The following AGBL2 variants were observed in gnomAD, a reference collection of about 807,000 sequenced individuals.
The protein encoded by AGBL2 is AGBL carboxypeptidase 2, also known as cytosolic carboxypeptidase 2.
In AGBL2, 87 loss-of-function variants were observed where a neutral mutation model predicts 103.0. The observed-to-expected ratio is 0.84, with a 90% CI of 0.71 to 1.01. AGBL2 has a LOEUF of 1.01. Among genes scored for constraint, AGBL2 ranks in the 50% least tolerant of loss-of-function variants. The pLI, the probability that AGBL2 is intolerant of heterozygous loss-of-function variation, is 0.00. For synonymous variants in AGBL2, 335 were observed against 356.7 expected, an observed-to-expected ratio of 0.94 and a Z score of 0.69; for missense variants, 904 against 1,023.5, an observed-to-expected ratio of 0.88 and a Z score of 1.59.
At chr11:47,666,793 A>G in intron 17 of AGBL2, 163 bp downstream of exon 17, 1 of 676,694 alleles carries the variant, frequency 1.5e-6, no homozygotes, top group Non-Finnish European at 2.7e-6. Context: ...AATCCAAAGC[A>G]GTGTCAATGT....
chr11:47,669,722 C>T (rs2097351698), intron 14 of AGBL2, among the ~76,000 whole-genome samples: 2 of 151,840 alleles, frequency 1.3e-5, no homozygotes, highest in South Asian at 2.1e-4. Context: ...CAGAGTCTCC[C>T]TATGTCAACG....
chr11:47,710,909 CAAAAA>C (rs60310587), intron 3 of AGBL2: 36 of 332,712 alleles, frequency 1.1e-4, no homozygotes, highest in Non-Finnish European at 1.4e-4. Context: ...GATCCTGTCT[CAAAAA>C]AAAAAAAAAA....
chr11:47,661,517 T>C (rs762715775), intron 18 of AGBL2, among the ~76,000 whole-genome samples: 5 of 152,182 alleles, frequency 3.3e-5, no homozygotes, highest in Non-Finnish European at 7.3e-5. Flanking sequence ...GCCTTGCACA[T>C]AGTAGACACT....
intron 1 of AGBL2, 200 bp downstream of exon 1, chr11:47,714,975 A>AT (rs2097545783): frequency 2.9e-6 from 1 of 349,008 alleles, no homozygotes; most frequent in African/African-American, 2.1e-5. Context: ...GAGAAAGGAG[A>AT]TGCTCGCCAC....
At chr11:47,665,696 C>T (rs2097339554) in intron 17 of AGBL2, among the ~76,000 whole-genome samples, 1 of 152,128 alleles carries the variant, frequency 6.6e-6, no homozygotes, top group African/African-American at 2.4e-5. Flanking sequence ...TCCAGTGATC[C>T]TCCTGCCTCG....
chr11:47,714,533 C>T, intron 2 of AGBL2, 85 bp downstream of exon 2: 1 of 1,456,294 alleles, frequency 6.9e-7, no homozygotes, highest in Non-Finnish European at 9.6e-7. Context: ...CATCCCTTCT[C>T]ATCTAGTAGC....
Position 47,714,802 on chromosome 11 carries a change from GC to G in AGBL2, c.-100-53del, listed in dbSNP as rs1043526856. ...AAAAACTGCCAATACCTCCCCGGGC[GC>G]CCCCCAGCTCCCTCTTGACTTCAGA... On this transcript the variant is annotated intron_variant, in intron 1 of 18. Coordinates refer to ENST00000525123, the MANE Select transcript of AGBL2 (RefSeq NM_024783.4). The G allele has an allele frequency of 5.7e-5, 43 of 755,890 alleles. No individual in the cohort carries two copies. In the African/African-American group the frequency reaches 6.2e-4, roughly 11 times the overall value. 46.8% of individuals were successfully genotyped at this position (755,890 alleles called of 1,614,324 possible). A position where few individuals can be genotyped will look rare whatever the true frequency, so the allele number is the denominator to read the frequency against.
rs780601222 is a variant in AGBL2 at position 47,686,018 on chromosome 11, A to C, written c.1663T>G (p.Cys555Gly). Residue 555 changes from cysteine (C) to glycine (G), a missense_variant, in exon 11 of 19, where the codon TGT (cysteine) becomes GGT (glycine). Physicochemically the swap from Cys to Gly is radical, Grantham distance 159 (BLOSUM62 -3). Transcript: ENST00000525123. ...TTACGACTGTGGCCATGGAAATCACAATACAACAGAACCTCTCTTTCTTCA... is the reference window on the plus strand; with the variant it reads ...TTACGACTGTGGCCATGGAAATCACCATACAACAGAACCTCTCTTTCTTCA... ...LLEEREVLLY[C>G]DFHGHSRKNN... The C allele has an allele frequency of 1.9e-6, 3 of 1,614,144 alleles. No individual in the cohort carries two copies. Among genetic ancestry groups the C allele is most frequent in the Non-Finnish European group, 2.5e-6 (3 of 1,180,026 alleles).
At chr11:47,660,461 C>A (rs1053265484) in intron 18 of AGBL2, 115 bp from the exon 19 acceptor site, 2 of 915,238 alleles carry the variant, frequency 2.2e-6, no homozygotes, top group Admixed American at 5.5e-5. Context: ...TGCATTTCTT[C>A]CCCAAATATA....
At chr11:47,672,000 G>A (rs1423805492) in intron 14 of AGBL2, among the ~76,000 whole-genome samples, 2 of 152,172 alleles carry the variant, frequency 1.3e-5, no homozygotes, top group African/African-American at 4.8e-5. Flanking sequence ...GCAGAGGCTG[G>A]CAAATTGGGT....
In AGBL2 at chr11:47,692,603, G is replaced by A. The variant is rs145032580; in HGVS notation, c.695-347C>T. 2.0e-3 allele frequency among the ~76,000 whole-genome samples: 302 copies of A among 151,086 alleles called. 5 individuals are homozygous for A. In the East Asian group the frequency reaches 0.042, roughly 21 times the overall value. On this transcript the variant is annotated intron_variant, in intron 8 of 18. Transcript: ENST00000525123. ...ATTTTTTTGTATATTTAGTAGAGAC[G>A]GAGTTTCACCGTGTTAGCCAGGATG...
intron 14 of AGBL2, among the ~76,000 whole-genome samples, chr11:47,675,203 T>A (rs2097370463): frequency 3.5e-5 from 2 of 56,598 alleles, no homozygotes; most frequent in Non-Finnish European, 1.0e-4. Flanking sequence ...ACCAGTCTTT[T>A]TTTTTTTTTT....
chr11:47,706,880 C>A, intron 4 of AGBL2, among the ~76,000 whole-genome samples: 1 of 107,464 alleles, frequency 9.3e-6, no homozygotes, highest in Admixed American at 1.1e-4. Flanking sequence ...GAAACCCTGT[C>A]TCTACTATTC....
At chr11:47,683,351 G>A (rs932475718) in intron 11 of AGBL2, among the ~76,000 whole-genome samples, 5 of 152,198 alleles carry the variant, frequency 3.3e-5, no homozygotes, top group African/African-American at 9.6e-5. Flanking sequence ...CGGCTTGGGC[G>A]ACAGAGCGAG....
intron 4 of AGBL2, 159 bp downstream of exon 4, chr11:47,710,218 A>G: frequency 1.2e-6 from 1 of 853,014 alleles, no homozygotes; most frequent in Non-Finnish European, 1.8e-6. Flanking sequence ...TTAAACCTGT[A>G]ATCCAAAGTA....
chr11:47,675,375 G>GTTTTT (rs34044161), intron 14 of AGBL2, among the ~76,000 whole-genome samples: 4 of 55,100 alleles, frequency 7.3e-5, no homozygotes, highest in African/African-American at 2.9e-4. Flanking sequence ...CCCCTGCTAA[G>GTTTTT]TTTTTTTTTT....
At chr11:47,666,682 A>C in intron 17 of AGBL2, 1 of 582,266 alleles carries the variant, frequency 1.7e-6, no homozygotes, top group Non-Finnish European at 3.0e-6. Flanking sequence ...TAGATGGGTG[A>C]GTAGAGGGAT....
intron 10 of AGBL2, among the ~76,000 whole-genome samples, chr11:47,686,682 C>T (rs543632892): frequency 2.0e-5 from 3 of 151,592 alleles, no homozygotes; most frequent in South Asian, 2.1e-4. Flanking sequence ...TGACACTGGC[C>T]GGGCACGGTG....
chr11:47,660,240 G>A lies in AGBL2; in HGVS notation c.2642C>T (p.Pro881Leu), dbSNP rs753962466. The change falls in exon 19 of 19, where the codon CCT becomes CTT. Residue 881 changes from proline (P) to leucine (L), a missense_variant. Pro to Leu is a moderately conservative substitution (Grantham distance 98). Coordinates refer to ENST00000525123, the MANE Select transcript of AGBL2 (RefSeq NM_024783.4). ...GGCAGCACAGCCTCTCTTTGTGGCA[G>A]GATATCTGCTCCTAGGCCAGTTTGG... Reference protein sequence around the residue: ...MKPNWPRSRYPATKRGCAAMA... With the variant: ...MKPNWPRSRYLATKRGCAAMA... The A allele has an allele frequency of 1.2e-6, 2 of 1,614,114 alleles. No homozygotes were observed. Among genetic ancestry groups the A allele is most frequent in the Non-Finnish European group, 1.7e-6 (2 of 1,180,054 alleles).
Sources: allele counts gnomAD v4.1 joint callset (sites outside exome capture counted in the v4.1 genomes callset), GRCh38; gene constraint gnomAD v4.1.1; transcripts MANE v1.5; gene names NCBI Gene and HGNC (gene_info 2026-07-23, HGNC 2026-07-21).